The following SELENOF variants were observed in gnomAD, a reference collection of about 807,000 sequenced individuals.
The protein encoded by SELENOF is 15 kDa selenoprotein.
SELENOF carries 16 observed loss-of-function variants against 20.5 expected under a neutral mutation model. The observed-to-expected ratio is 0.78, with a 90% CI of 0.53 to 1.19. The LOEUF is 1.19. Among genes scored for constraint, SELENOF ranks in the 50% most tolerant of loss-of-function variants. The probability of loss-of-function intolerance (pLI) is 0.00; values close to 1 mark genes in which losing one functional copy is unlikely to be tolerated. For missense variants in SELENOF, 215 were observed against 194.2 expected, an observed-to-expected ratio of 1.11 and a Z score of -0.64; for synonymous variants, 78 against 74.5, an observed-to-expected ratio of 1.05 and a Z score of -0.24.
chr1:86,902,614 C>T (rs1659730784), intron 2 of SELENOF, among the ~76,000 whole-genome samples: 1 of 152,166 alleles, frequency 6.6e-6, no homozygotes, highest in Non-Finnish European at 1.5e-5. Context: ...AACTGGACAA[C>T]TCAAATGATC....
intron 1 of SELENOF, among the ~76,000 whole-genome samples, chr1:86,905,326 T>C (rs955341532): frequency 1.3e-5 from 2 of 152,224 alleles, no homozygotes; most frequent in Non-Finnish European, 2.9e-5. Flanking sequence ...TATAGTATCT[T>C]GAAGTATAAA....
Position 86,891,558 on chromosome 1 carries a change from G to T in SELENOF, c.253-10833C>A, listed in dbSNP as rs147824185. 9.2e-4 allele frequency among the ~76,000 whole-genome samples: 140 copies of T among 152,258 alleles called. 1 individual carries two copies. The Middle Eastern group carries it at 0.01, about 11-fold the overall frequency. On this transcript the variant is annotated intron_variant, in intron 2 of 4. Transcript: ENST00000331835. ...CAGTCTGCAAATGTGGCAGAAAGTTGTAATATGTTTAGATAGAATCTGATC... is the reference window on the plus strand; with the variant it reads ...CAGTCTGCAAATGTGGCAGAAAGTTTTAATATGTTTAGATAGAATCTGATC...
At chr1:86,882,538 C>G (rs1305130476) in intron 2 of SELENOF, among the ~76,000 whole-genome samples, 1 of 143,952 alleles carries the variant, frequency 6.9e-6, no homozygotes, top group South Asian at 2.2e-4. Context: ...AAATTGGAAC[C>G]CTTGTACACT....
At chr1:86,879,889 C>T (rs916447750) in intron 3 of SELENOF, among the ~76,000 whole-genome samples, 8 of 152,200 alleles carry the variant, frequency 5.3e-5, no homozygotes, top group African/African-American at 1.9e-4. Context: ...ATGACTTTCT[C>T]TCTTTTGTAT....
chr1:86,907,834 A>C (rs1389795430), intron 1 of SELENOF, among the ~76,000 whole-genome samples: 1 of 152,130 alleles, frequency 6.6e-6, no homozygotes, highest in Non-Finnish European at 1.5e-5. Flanking sequence ...TAATACAAAA[A>C]AAATTAGCTG....
At chr1:86,882,765 T>C (rs917048835) in intron 2 of SELENOF, among the ~76,000 whole-genome samples, 1 of 152,162 alleles carries the variant, frequency 6.6e-6, no homozygotes, top group South Asian at 2.1e-4. Context: ...ATGTGTTCAT[T>C]AACAGATGAA....
chr1:86,898,764 T>TG (rs1170225840), intron 2 of SELENOF, among the ~76,000 whole-genome samples: 12 of 138,288 alleles, frequency 8.7e-5, no homozygotes, highest in Admixed American at 1.4e-4. Flanking sequence ...TGTATTTTTT[T>TG]TTTGTTTGTT....
intron 2 of SELENOF, among the ~76,000 whole-genome samples, chr1:86,894,934 C>A (rs1557466061): frequency 6.6e-6 from 1 of 152,176 alleles, no homozygotes; most frequent in African/African-American, 2.4e-5. Flanking sequence ...TTTATTAGCA[C>A]AACCTTTTTT....
intron 4 of SELENOF, among the ~76,000 whole-genome samples, chr1:86,864,577 A>G (rs1658544765): frequency 6.6e-6 from 1 of 152,102 alleles, no homozygotes; most frequent in Admixed American, 6.6e-5. Flanking sequence ...AGTTTAGAAA[A>G]TAGGCCATCC....
intron 2 of SELENOF, among the ~76,000 whole-genome samples, chr1:86,881,111 T>C (rs1557459363): frequency 6.6e-6 from 1 of 152,188 alleles, no homozygotes; most frequent in Non-Finnish European, 1.5e-5. Context: ...CTATCCAAGA[T>C]AGTTACTTAA....
At chr1:86,905,822 T>G (rs1659813637) in intron 1 of SELENOF, among the ~76,000 whole-genome samples, 1 of 152,240 alleles carries the variant, frequency 6.6e-6, no homozygotes, top group Admixed American at 6.5e-5. Context: ...TCTGTACAAC[T>G]ATCTAACTCA....
At chr1:86,881,839 G>A (rs143626586) in intron 2 of SELENOF, among the ~76,000 whole-genome samples, 1,827 of 152,138 alleles carry the variant, frequency 0.012, 73 homozygotes, top group Admixed American at 0.059. Flanking sequence ...ATAGAATTTC[G>A]CTTTAATGCA....
chr1:86,900,352 G>A (rs1659662102), intron 2 of SELENOF, among the ~76,000 whole-genome samples: 1 of 152,198 alleles, frequency 6.6e-6, no homozygotes, highest in African/African-American at 2.4e-5. Flanking sequence ...TCTGGAGGCC[G>A]AGGCTGGCGG....
At chr1:86,894,673 T>C (rs1257114164) in intron 2 of SELENOF, among the ~76,000 whole-genome samples, 1 of 152,034 alleles carries the variant, frequency 6.6e-6, no homozygotes, top group Non-Finnish European at 1.5e-5. Context: ...ACCTTGTCTC[T>C]ACAAAAATAG....
chr1:86,888,539 G>T (rs1557463068), intron 2 of SELENOF, among the ~76,000 whole-genome samples: 1 of 152,196 alleles, frequency 6.6e-6, no homozygotes, highest in Non-Finnish European at 1.5e-5. Flanking sequence ...CTCCCGAAGT[G>T]TTAGGATTAC....
intron 2 of SELENOF, among the ~76,000 whole-genome samples, chr1:86,884,728 A>G (rs1659170044): frequency 6.6e-6 from 1 of 152,232 alleles, no homozygotes; most frequent in South Asian, 2.1e-4. Context: ...CAAGAGAAAA[A>G]TCAAAGAAGA....
At chr1:86,911,599 G>C (rs1288370434) in intron 1 of SELENOF, among the ~76,000 whole-genome samples, 1 of 152,128 alleles carries the variant, frequency 6.6e-6, no homozygotes, top group Non-Finnish European at 1.5e-5. Context: ...TGTAGAGATT[G>C]GAAATGAAAT....
At chr1:86,892,182 C>T (rs1417212337) in intron 2 of SELENOF, among the ~76,000 whole-genome samples, 6 of 150,844 alleles carry the variant, frequency 4.0e-5, no homozygotes, top group African/African-American at 4.9e-5. Flanking sequence ...TCCACCCCCC[C>T]GGCACGTTGC....
chr1:86,892,351 G>T (rs943135693), intron 2 of SELENOF, among the ~76,000 whole-genome samples: 1 of 152,092 alleles, frequency 6.6e-6, no homozygotes, highest in African/African-American at 2.4e-5. Flanking sequence ...TGTGAATAAT[G>T]CTTTTATATT....
Sources: allele counts gnomAD v4.1 joint callset (sites outside exome capture counted in the v4.1 genomes callset), GRCh38; gene constraint gnomAD v4.1.1; transcripts MANE v1.5; gene names NCBI Gene and HGNC (gene_info 2026-07-23, HGNC 2026-07-21).